The following SMAD5 variants were observed in gnomAD, a reference collection of about 807,000 sequenced individuals.
SMAD5 encodes SMAD family member 5.
SMAD5 carries 9 observed loss-of-function variants against 43.1 expected under a neutral mutation model. The observed-to-expected ratio is 0.21, with a 90% CI of 0.13 to 0.36. The LOEUF (loss-of-function observed/expected upper bound fraction) is 0.36, where lower values mean the gene tolerates loss of function less well. Ranked by LOEUF, SMAD5 falls within the 10% of genes least tolerant of loss-of-function variation. The pLI is 1.00. For synonymous variants in SMAD5, 190 were observed against 192.4 expected (o/e 0.99, Z 0.10); for missense variants, 348 against 574.0 (o/e 0.61, Z 4.02).
At chr5:136,139,900 A>G (rs1753016681) in intron 1 of SMAD5, among the ~76,000 whole-genome samples, 1 of 151,876 alleles carries the variant, frequency 6.6e-6, no homozygotes. Flanking sequence ...GTAGAGATGG[A>G]GTTTTAAAAA....
At position 136,174,378 on chromosome 5, in the gene SMAD5, G is replaced by A. The variant is rs529649204; in HGVS notation, c.1000G>A (p.Val334Ile). 7 of 1,612,376 alleles carry A rather than the reference G, an allele frequency of 4.3e-6. No homozygotes were observed. Among genetic ancestry groups the A allele is most frequent in the African/African-American group, 1.3e-5 (1 of 75,020 alleles). The change falls in exon 7 of 8, where the codon GTT becomes ATT. Residue 334 changes from valine (V) to isoleucine (I), a missense_variant and splice_region_variant. By Grantham distance (29) the Val-to-Ile change is conservative. Coordinates refer to ENST00000545279, the MANE Select transcript of SMAD5 (RefSeq NM_005903.7). ...CTTGTGATGTTTGTCTTTTTAAGGT[G>A]TTCATCTGTACTATGTTGGTGGAGA... The part of the protein sequence containing the change: ...ENTRRHIGKG[V>I]HLYYVGGEVY...
intron 1 of SMAD5, among the ~76,000 whole-genome samples, chr5:136,141,801 G>T (rs1215148029): frequency 2.0e-5 from 3 of 152,082 alleles, no homozygotes; most frequent in Non-Finnish European, 4.4e-5. Context: ...TTTCTGATTT[G>T]ATTTTTCTTA....
intron 7 of SMAD5, 63 bp from the exon 8 acceptor site, chr5:136,177,274 A>G (rs1754453906): frequency 7.0e-7 from 1 of 1,425,688 alleles, no homozygotes; most frequent in Non-Finnish European, 9.9e-7. Flanking sequence ...TTATGGTAAA[A>G]TTGGTTTAGA....
At chr5:136,135,014 GAAT>G (rs920534819) in intron 1 of SMAD5, 5 of 152,160 alleles carry the variant, frequency 3.3e-5, no homozygotes, top group African/African-American at 1.2e-4. Flanking sequence ...TGGAAAAAAA[GAAT>G]AAAATATTTT....
chr5:136,139,359 G>A (rs1311475192), intron 1 of SMAD5, among the ~76,000 whole-genome samples: 23 of 151,998 alleles, frequency 1.5e-4, no homozygotes. Context: ...TTATTCATAT[G>A]GTTAATGTGT....
intron 5 of SMAD5, among the ~76,000 whole-genome samples, chr5:136,168,118 G>A (rs920011818): frequency 2.6e-5 from 4 of 152,104 alleles, no homozygotes; most frequent in East Asian, 1.9e-4. Flanking sequence ...TGGGATTACC[G>A]GTGTGAGCCA....
At position 136,174,689 on chromosome 5, in the gene SMAD5, T is replaced by C. The variant is rs1370302521; in HGVS notation, c.1254+57T>C. The C allele has an allele frequency of 4.0e-6, 5 of 1,239,978 alleles. No individual in the cohort carries two copies. The African/African-American group carries it at 4.5e-5, about 11-fold the overall frequency. The allele number at this position is 1,239,978 out of a possible 1,614,324, so 76.8% of individuals were successfully genotyped here. A position where few individuals can be genotyped will look rare whatever the true frequency, so the allele number is the denominator to read the frequency against. ...ACTATAAATGTGTATATTATGACTT[T>C]AGGTTATAATTTTTAAAAATTGTTA... On this transcript the variant is annotated intron_variant, in intron 7 of 7. Transcript: ENST00000545279.
intron 3 of SMAD5, among the ~76,000 whole-genome samples, chr5:136,154,558 C>T (rs1753569942): frequency 6.6e-6 from 1 of 152,052 alleles, no homozygotes; most frequent in African/African-American, 2.4e-5. Context: ...CAGAGTATTT[C>T]TGATAGCATA....
At chr5:136,134,145 A>G (rs1319871617) in intron 1 of SMAD5, 1 of 152,064 alleles carries the variant, frequency 6.6e-6, no homozygotes, top group Admixed American at 6.6e-5. Context: ...TTCTGTGGAA[A>G]AGTTTTGATG....
chr5:136,157,942 C>T (rs1753696334), intron 3 of SMAD5, among the ~76,000 whole-genome samples: 1 of 152,138 alleles, frequency 6.6e-6, no homozygotes, highest in Non-Finnish European at 1.5e-5. Context: ...CAAGCCTTAA[C>T]CTTTCTGAGA....
chr5:136,169,690 C>T (rs907808120), intron 5 of SMAD5, among the ~76,000 whole-genome samples: 15 of 152,272 alleles, frequency 9.9e-5, no homozygotes, highest in East Asian at 1.9e-4. Flanking sequence ...TTGTAAGAAA[C>T]GGCCAAAGTG....
At chr5:136,176,458 A>C (rs1229036509) in intron 7 of SMAD5, among the ~76,000 whole-genome samples, 1 of 55,346 alleles carries the variant, frequency 1.8e-5, no homozygotes, top group Non-Finnish European at 3.5e-5. Flanking sequence ...TCTGTCTCAC[A>C]AAAAAAAAAA....
chr5:136,165,644 T>A (rs1753973644), intron 5 of SMAD5, among the ~76,000 whole-genome samples: 1 of 143,040 alleles, frequency 7.0e-6, no homozygotes, highest in African/African-American at 2.5e-5. Flanking sequence ...AAGTACTTCA[T>A]ATAAATGGAA....
intron 6 of SMAD5, among the ~76,000 whole-genome samples, chr5:136,173,359 C>T: frequency 6.6e-6 from 1 of 152,116 alleles, no homozygotes; most frequent in East Asian, 1.9e-4. Flanking sequence ...TTTGTTTTTA[C>T]CCCTTGCTGC....
At chr5:136,134,406 A>G (rs561238547) in intron 1 of SMAD5, 9 of 152,366 alleles carry the variant, frequency 5.9e-5, no homozygotes, top group Non-Finnish European at 1.3e-4. Context: ...CCTTAGTCCC[A>G]GTAGGTTTAG....
At chr5:136,141,863 T>G (rs1001862106) in intron 1 of SMAD5, among the ~76,000 whole-genome samples, 1 of 152,218 alleles carries the variant, frequency 6.6e-6, no homozygotes, top group African/African-American at 2.4e-5. Flanking sequence ...AGAATTGTTT[T>G]GAAGCAGGAA....
At chr5:136,136,422 C>G (rs915732289) in intron 1 of SMAD5, among the ~76,000 whole-genome samples, 3 of 152,150 alleles carry the variant, frequency 2.0e-5, no homozygotes, top group African/African-American at 7.2e-5. Context: ...CCTTGTTTTT[C>G]CACTTCTGAA....
At chr5:136,166,863 G>A (rs1046884946) in intron 5 of SMAD5, among the ~76,000 whole-genome samples, 6 of 152,058 alleles carry the variant, frequency 3.9e-5, no homozygotes, top group African/African-American at 1.4e-4. Flanking sequence ...AGTGTTATAT[G>A]TTAGATGTCC....
Position 136,153,747 on chromosome 5 carries a change from A to C in SMAD5, c.-14A>C. 1 of 1,591,176 alleles carries C rather than the reference A, an allele frequency of 6.3e-7. No individual in the cohort carries two copies. The highest frequency in any genetic ancestry group is 8.6e-7 in the Non-Finnish European group (1 of 1,168,384). The stretch of plus-strand genomic sequence containing the variant: ...ACTTTGAGTTACAGGAAGGTCTCCG[A>C]AGATTTGTGTCAAATGACGTCAATG... On this transcript the variant is annotated 5_prime_UTR_variant, in exon 3 of 8. Coordinates refer to ENST00000545279, the MANE Select transcript of SMAD5 (RefSeq NM_005903.7).
Sources: allele counts gnomAD v4.1 joint callset (sites outside exome capture counted in the v4.1 genomes callset), GRCh38; gene constraint gnomAD v4.1.1; transcripts MANE v1.5; gene names NCBI Gene and HGNC (gene_info 2026-07-23, HGNC 2026-07-21).